The following CHRM3 variants were observed in gnomAD, a reference collection of about 807,000 sequenced individuals.
The protein encoded by CHRM3 is muscarinic acetylcholine receptor M3.
In CHRM3, 11 loss-of-function variants were observed where a neutral mutation model predicts 41.8. That is an observed-to-expected ratio of 0.26 (90% CI 0.17 to 0.44). The LOEUF (loss-of-function observed/expected upper bound fraction) is 0.44. Ranked by LOEUF, CHRM3 falls within the 20% of genes least tolerant of loss-of-function variation. CHRM3 has a pLI of 1.00. For missense variants in CHRM3, 571 were observed against 745.4 expected (o/e 0.77, Z 2.72); for synonymous variants, 297 against 301.4 (o/e 0.99, Z 0.15).
chr1:239,580,769 A>G (rs1036012367), intron 3 of CHRM3, among the ~76,000 whole-genome samples: 1 of 142,520 alleles, frequency 7.0e-6, no homozygotes, highest in Non-Finnish European at 1.5e-5. Context: ...TATATATGTA[A>G]ATATATATAT....
chr1:239,836,432 A>G (rs1445736858), intron 6 of CHRM3, among the ~76,000 whole-genome samples: 3 of 152,202 alleles, frequency 2.0e-5, no homozygotes, highest in African/African-American at 7.2e-5. Flanking sequence ...ATTGATAAAA[A>G]TATAAGAAAC....
intron 1 of CHRM3, among the ~76,000 whole-genome samples, chr1:239,429,133 A>C (rs1417263491): frequency 6.6e-6 from 1 of 152,244 alleles, no homozygotes; most frequent in African/African-American, 2.4e-5. Context: ...ATCTTGATGC[A>C]ATTTAAGTAC....
chr1:239,440,498 C>T (rs1663633886), intron 1 of CHRM3, among the ~76,000 whole-genome samples: 1 of 152,050 alleles, frequency 6.6e-6, no homozygotes, highest in Non-Finnish European at 1.5e-5. Context: ...GACAAGAGAC[C>T]AGAAAATGCA....
chr1:239,637,517 C>CTTTTTTTTTTTTTTTTTTTTTTTTTTTT (rs149963225), intron 4 of CHRM3, among the ~76,000 whole-genome samples: 1 of 48,514 alleles, frequency 2.1e-5, no homozygotes, highest in Non-Finnish European at 3.5e-5. Context: ...TCATCAAAGT[C>CTTTTTTTTTTTTTTTTTTTTTTTTTTTT]TTTTTTTTTT....
intron 6 of CHRM3, among the ~76,000 whole-genome samples, chr1:239,834,572 C>T (rs889110218): frequency 6.6e-6 from 1 of 152,126 alleles, no homozygotes; most frequent in Non-Finnish European, 1.5e-5. Context: ...TCATACAGTC[C>T]CCACTAATCC....
At chr1:239,761,676 C>T (rs1266010289) in intron 5 of CHRM3, among the ~76,000 whole-genome samples, 2 of 152,154 alleles carry the variant, frequency 1.3e-5, no homozygotes, top group Non-Finnish European at 2.9e-5. Context: ...CGCTAGGGGG[C>T]CTTTTCACTC....
At chr1:239,435,703 T>A (rs746352263) in intron 1 of CHRM3, among the ~76,000 whole-genome samples, 3 of 152,168 alleles carry the variant, frequency 2.0e-5, no homozygotes, top group Non-Finnish European at 4.4e-5. Flanking sequence ...AGTATCCTAG[T>A]GGCAACAAAT....
intron 4 of CHRM3, among the ~76,000 whole-genome samples, chr1:239,671,619 C>T (rs563902853): frequency 2.6e-5 from 4 of 152,026 alleles, no homozygotes; most frequent in African/African-American, 9.6e-5. Flanking sequence ...TCACATTTAC[C>T]ACAGTTATGC....
intron 3 of CHRM3, among the ~76,000 whole-genome samples, chr1:239,575,245 A>G (rs1247084308): frequency 2.6e-5 from 4 of 152,182 alleles, no homozygotes; most frequent in Non-Finnish European, 5.9e-5. Context: ...GCACCTTCAC[A>G]TAAAAAAAGG....
At chr1:239,843,892 C>T (rs1382645321) in intron 6 of CHRM3, among the ~76,000 whole-genome samples, 1 of 151,724 alleles carries the variant, frequency 6.6e-6, no homozygotes, top group Non-Finnish European at 1.5e-5. Context: ...TATATATACA[C>T]ATAGAGATAT....
chr1:239,828,183 C>T (rs968197378), intron 6 of CHRM3, among the ~76,000 whole-genome samples: 6 of 151,984 alleles, frequency 3.9e-5, no homozygotes, highest in Non-Finnish European at 5.9e-5. Flanking sequence ...TATACACATA[C>T]GGATATTCAC....
intron 5 of CHRM3, among the ~76,000 whole-genome samples, chr1:239,775,322 C>T (rs1668006317): frequency 6.6e-6 from 1 of 152,076 alleles, no homozygotes; most frequent in South Asian, 2.1e-4. Flanking sequence ...ATATTTAATA[C>T]ATTTAGCTTT....
At chr1:239,578,081 A>G (rs1477632742) in intron 3 of CHRM3, among the ~76,000 whole-genome samples, 4 of 152,190 alleles carry the variant, frequency 2.6e-5, no homozygotes, top group Non-Finnish European at 1.5e-5. Flanking sequence ...AGTGCCTATA[A>G]TGGACCAAGG....
At chr1:239,781,174 G>C (rs1009631447) in intron 5 of CHRM3, among the ~76,000 whole-genome samples, 1 of 152,034 alleles carries the variant, frequency 6.6e-6, no homozygotes, top group African/African-American at 2.4e-5. Context: ...GGATTGTATT[G>C]AATCTAGAAA....
intron 6 of CHRM3, among the ~76,000 whole-genome samples, chr1:239,843,031 C>T (rs989263417): frequency 6.6e-6 from 1 of 152,176 alleles, no homozygotes; most frequent in Non-Finnish European, 1.5e-5. Flanking sequence ...GATCCCACCA[C>T]ACACTTAATA....
intron 1 of CHRM3, among the ~76,000 whole-genome samples, chr1:239,434,422 ACTCT>A (rs959159981): frequency 1.3e-5 from 2 of 151,844 alleles, no homozygotes; most frequent in Admixed American, 6.6e-5. Context: ...ATTTCCCAAG[ACTCT>A]CTCTCTATCT....
At chr1:239,512,370 T>A (rs1668980231) in intron 2 of CHRM3, among the ~76,000 whole-genome samples, 1 of 152,138 alleles carries the variant, frequency 6.6e-6, no homozygotes, top group Admixed American at 6.6e-5. Context: ...ACCCAGTGAA[T>A]GCCTAGTTTA....
intron 5 of CHRM3, among the ~76,000 whole-genome samples, chr1:239,752,725 A>G (rs1268464352): frequency 6.6e-6 from 1 of 152,182 alleles, no homozygotes; most frequent in Admixed American, 6.5e-5. Context: ...TTTAAAAAAC[A>G]GATAGAATAG....
chr1:239,698,920 A>G (rs945082592), intron 5 of CHRM3, among the ~76,000 whole-genome samples: 6 of 152,216 alleles, frequency 3.9e-5, no homozygotes, highest in African/African-American at 1.2e-4. Flanking sequence ...ACATGCAGGT[A>G]TGTTCTCACA....
Sources: allele counts gnomAD v4.1 joint callset (sites outside exome capture counted in the v4.1 genomes callset), GRCh38; gene constraint gnomAD v4.1.1; transcripts MANE v1.5; gene names NCBI Gene and HGNC (gene_info 2026-07-23, HGNC 2026-07-21).